Variants in LOC122513141 observed in about 807,000 individuals in gnomAD.
At chr9:137,218,308 C>T in the LOC122513141 span, 1 of 398,338 alleles carries the variant, frequency 2.5e-6, no homozygotes, top group Non-Finnish European at 4.4e-6. Context: ...GCCAGCCCCG[C>T]CGAGAGGCCC....
chr9:137,218,628 C>T, the LOC122513141 span: 1 of 398,514 alleles, frequency 2.5e-6, no homozygotes, highest in Non-Finnish European at 4.4e-6. Context: ...GCCCCGCCGC[C>T]AACAGGCCAG....
At chr9:137,218,889 G>A in the LOC122513141 span, 2 of 363,928 alleles carry the variant, frequency 5.5e-6, no homozygotes, top group Non-Finnish European at 9.8e-6. Flanking sequence ...CAGCAGGAAA[G>A]TCTGTGAGCA....
chr9:137,218,902 AC>A, the LOC122513141 span: 1 of 347,670 alleles, frequency 2.9e-6, no homozygotes, highest in South Asian at 1.5e-4. Context: ...TGTGAGCAGG[AC>A]CCCATTCACC....
chr9:137,218,808 C>T, the LOC122513141 span: 6 of 395,786 alleles, frequency 1.5e-5, no homozygotes, highest in Non-Finnish European at 2.7e-5. Flanking sequence ...TCCATGGCTG[C>T]ACTGCTGCCC....
chr9:137,218,392 G>A, the LOC122513141 span: 1 of 398,570 alleles, frequency 2.5e-6, no homozygotes, highest in Non-Finnish European at 4.4e-6. Flanking sequence ...TCCTGGCAGG[G>A]CCCGTGGGCG....
the LOC122513141 span, chr9:137,218,114 C>T: frequency 3.0e-4 from 120 of 398,782 alleles, no homozygotes; most frequent in Middle Eastern, 6.3e-4. Flanking sequence ...CAGAGAGCGC[C>T]GCCTGGCCCT....
At chr9:137,218,971 G>A in the LOC122513141 span, 6 of 229,758 alleles carry the variant, frequency 2.6e-5, no homozygotes, top group East Asian at 8.5e-5. Context: ...CTTCCCCTCC[G>A]AGGGCCAGCT....
the LOC122513141 span, chr9:137,218,310 G>A: frequency 7.5e-6 from 3 of 398,160 alleles, no homozygotes; most frequent in Admixed American, 4.4e-5. Context: ...CAGCCCCGCC[G>A]AGAGGCCCCT....
chr9:137,218,046 AGGCAGCAG>A, the LOC122513141 span: 1 of 399,454 alleles, frequency 2.5e-6, no homozygotes, highest in Admixed American at 4.4e-5. Flanking sequence ...GGGAGAGAGC[AGGCAGCAG>A]GGCAGGGGGA....
the LOC122513141 span, chr9:137,217,981 G>A: frequency 2.5e-6 from 1 of 398,836 alleles, no homozygotes; most frequent in East Asian, 3.6e-5. Context: ...GTGAGCCCCT[G>A]CTGGGGGCCA....
At chr9:137,219,271 C>T in the LOC122513141 span, 1 of 152,280 alleles carries the variant, frequency 6.6e-6, no homozygotes, top group Non-Finnish European at 1.5e-5. Flanking sequence ...CATGTCACCA[C>T]ACCTGGGATG....
At chr9:137,218,626 G>A in the LOC122513141 span, 27 of 398,484 alleles carry the variant, frequency 6.8e-5, no homozygotes, top group African/African-American at 2.7e-4. Flanking sequence ...CAGCCCCGCC[G>A]CCAACAGGCC....
At chr9:137,218,115 G>A in the LOC122513141 span, 18 of 398,676 alleles carry the variant, frequency 4.5e-5, no homozygotes, top group African/African-American at 6.2e-5. Flanking sequence ...AGAGAGCGCC[G>A]CCTGGCCCTG....
chr9:137,218,864 TGGA>T, the LOC122513141 span: 2 of 381,000 alleles, frequency 5.2e-6, no homozygotes, highest in South Asian at 1.5e-4. Context: ...GGACAGCTCC[TGGA>T]GGAGGCCAGC....
the LOC122513141 span, chr9:137,219,302 G>A: frequency 2.0e-5 from 3 of 152,212 alleles, no homozygotes; most frequent in Non-Finnish European, 4.4e-5. Flanking sequence ...GTGGCCCAGC[G>A]AGAGATGGAG....
At chr9:137,218,778 G>A in the LOC122513141 span, 1 of 397,122 alleles carries the variant, frequency 2.5e-6, no homozygotes, top group Non-Finnish European at 4.4e-6. Flanking sequence ...GGGCTACCCA[G>A]AGGCCTGACC....
At chr9:137,218,514 C>T in the LOC122513141 span, 1 of 400,578 alleles carries the variant, frequency 2.5e-6, no homozygotes. Flanking sequence ...AGCCTGCTGG[C>T]CCTTGAGCTT....
At chr9:137,218,970 C>G in the LOC122513141 span, 1,236 of 229,146 alleles carry the variant, frequency 5.4e-3, 14 homozygotes, top group African/African-American at 0.026. Context: ...ACTTCCCCTC[C>G]GAGGGCCAGC....
At chr9:137,218,366 C>T in the LOC122513141 span, 12 of 398,292 alleles carry the variant, frequency 3.0e-5, no homozygotes, top group South Asian at 1.3e-4. Flanking sequence ...CCTGGAGCAC[C>T]GCTACCAGCT....
Sources: gnomAD v4.1 joint callset for allele counts on GRCh38, gnomAD v4.1.1 for gene constraint, MANE v1.5 for transcripts.